The following ROBO1 variants were observed in gnomAD, a reference collection of about 807,000 sequenced individuals.
ROBO1 encodes roundabout homolog 1.
A neutral mutation model predicts 195.9 loss-of-function variants in ROBO1; 149 were observed. The observed-to-expected ratio is 0.76, with a 90% CI of 0.67 to 0.87. The LOEUF (loss-of-function observed/expected upper bound fraction) is 0.87. ROBO1 is among the 40% of genes least tolerant of loss of function. The pLI is 0.00. For synonymous variants in ROBO1, 816 were observed against 733.2 expected (o/e 1.11, Z -1.82); for missense variants, 1,933 against 2,068.3 (o/e 0.93, Z 1.27).
chr3:79,335,075 C>G (rs2034609851), intron 2 of ROBO1, among the ~76,000 whole-genome samples: 1 of 152,074 alleles, frequency 6.6e-6, no homozygotes, highest in Non-Finnish European at 1.5e-5. Flanking sequence ...CAAGATCATG[C>G]CACTGAACTC....
chr3:78,978,555 T>C (rs997947001), intron 3 of ROBO1, among the ~76,000 whole-genome samples: 1 of 152,074 alleles, frequency 6.6e-6, no homozygotes, highest in Non-Finnish European at 1.5e-5. Flanking sequence ...TATCCTCATC[T>C]TGAAGGTAGA....
At chr3:79,011,838 A>C (rs970518814) in intron 3 of ROBO1, among the ~76,000 whole-genome samples, 1 of 152,020 alleles carries the variant, frequency 6.6e-6, no homozygotes, top group Non-Finnish European at 1.5e-5. Flanking sequence ...ATATACCTGA[A>C]ATGGCTTTTC....
chr3:78,799,868 C>T (rs576182671), intron 4 of ROBO1, among the ~76,000 whole-genome samples: 5 of 152,226 alleles, frequency 3.3e-5, no homozygotes, highest in East Asian at 1.9e-4. Context: ...AGTCACTTAT[C>T]CAGACTCAGT....
intron 1 of ROBO1, among the ~76,000 whole-genome samples, chr3:79,624,569 C>T (rs1945109213): frequency 6.6e-6 from 1 of 151,980 alleles, no homozygotes; most frequent in Non-Finnish European, 1.5e-5. Flanking sequence ...ACAAAACAGA[C>T]TTTAAACCAA....
At chr3:79,637,745 G>A (rs1240431851) in intron 1 of ROBO1, among the ~76,000 whole-genome samples, 1 of 152,056 alleles carries the variant, frequency 6.6e-6, no homozygotes, top group Non-Finnish European at 1.5e-5. Flanking sequence ...TTTACAGCAT[G>A]ACTTTAGAAA....
At chr3:78,599,207 A>G (rs1703023897) in intron 30 of ROBO1, among the ~76,000 whole-genome samples, 1 of 152,038 alleles carries the variant, frequency 6.6e-6, no homozygotes, top group Non-Finnish European at 1.5e-5. Flanking sequence ...GAGTTATCTA[A>G]TCCCCTCAGC....
intron 4 of ROBO1, among the ~76,000 whole-genome samples, chr3:78,761,893 C>T (rs2083114330): frequency 1.3e-5 from 2 of 152,194 alleles, no homozygotes; most frequent in East Asian, 3.9e-4. Context: ...AGCTTCCTAT[C>T]AGCCAAATAA....
At chr3:78,951,579 ACTCT>A (rs1450104757) in intron 3 of ROBO1, among the ~76,000 whole-genome samples, 1 of 152,058 alleles carries the variant, frequency 6.6e-6, no homozygotes, top group Non-Finnish European at 1.5e-5. Context: ...CTAGGATGAT[ACTCT>A]CTCTGACACT....
At position 79,158,980 on chromosome 3, in the gene ROBO1, A is replaced by G. The variant is rs992824187; in HGVS notation, c.89-33441T>C. Among the ~76,000 whole-genome samples, 3 of 151,996 alleles carry G rather than the reference A, an allele frequency of 2.0e-5. No individual in the cohort carries two copies. The East Asian group carries it at 5.8e-4, about 29-fold the overall frequency. On this transcript the variant is annotated intron_variant, in intron 2 of 30. Coordinates refer to ENST00000464233, the MANE Select transcript of ROBO1 (RefSeq NM_002941.4). ...TGCCATTCACTTCTTTGGAAAGAAGATAAGATATTAATGCATGACTAAAGT... is the reference window on the plus strand; with the variant it reads ...TGCCATTCACTTCTTTGGAAAGAAGGTAAGATATTAATGCATGACTAAAGT...
chr3:79,076,389 G>A (rs903299516), intron 3 of ROBO1, among the ~76,000 whole-genome samples: 1 of 150,414 alleles, frequency 6.6e-6, no homozygotes. Flanking sequence ...CAGAAAAAAA[G>A]AGACTTAAAT....
chr3:79,464,909 T>A (rs1409152129), intron 2 of ROBO1, among the ~76,000 whole-genome samples: 1 of 152,162 alleles, frequency 6.6e-6, no homozygotes, highest in African/African-American at 2.4e-5. Flanking sequence ...CTGGCTTTAA[T>A]CACATAGCAA....
At chr3:79,013,420 G>C (rs1197851330) in intron 3 of ROBO1, among the ~76,000 whole-genome samples, 1 of 152,178 alleles carries the variant, frequency 6.6e-6, no homozygotes, top group African/African-American at 2.4e-5. Flanking sequence ...ATGATGTAAA[G>C]AACTGACTGT....
At chr3:79,311,159 C>T (rs1007298610) in intron 2 of ROBO1, among the ~76,000 whole-genome samples, 1 of 152,082 alleles carries the variant, frequency 6.6e-6, no homozygotes, top group African/African-American at 2.4e-5. Flanking sequence ...GTTAATGGAA[C>T]TTCTTATTTA....
chr3:79,279,372 C>A (rs777146323), intron 2 of ROBO1, among the ~76,000 whole-genome samples: 1 of 152,042 alleles, frequency 6.6e-6, no homozygotes, highest in Non-Finnish European at 1.5e-5. Context: ...AAATGGCCAA[C>A]CAATGATTAA....
chr3:78,713,447 T>C (rs865967619), intron 8 of ROBO1, among the ~76,000 whole-genome samples: 2 of 152,124 alleles, frequency 1.3e-5, no homozygotes, highest in Non-Finnish European at 2.9e-5. Context: ...AAATGGTTTA[T>C]GGCCAGAACT....
At chr3:78,946,760 G>A (rs1235748395) in intron 3 of ROBO1, among the ~76,000 whole-genome samples, 1 of 152,186 alleles carries the variant, frequency 6.6e-6, no homozygotes, top group Non-Finnish European at 1.5e-5. Flanking sequence ...CCATCAGTGT[G>A]CTGTATTCAG....
intron 2 of ROBO1, among the ~76,000 whole-genome samples, chr3:79,479,691 A>T (rs1484806092): frequency 2.0e-5 from 3 of 152,214 alleles, no homozygotes; most frequent in Admixed American, 1.3e-4. Context: ...TTTTTAATGG[A>T]CCTGCAAATA....
At chr3:78,703,012 TTTGA>T (rs1380413729) in intron 8 of ROBO1, among the ~76,000 whole-genome samples, 3 of 152,276 alleles carry the variant, frequency 2.0e-5, no homozygotes, top group Non-Finnish European at 2.9e-5. Context: ...ATGCCTTTCT[TTTGA>T]TTAATTTTTA....
At chr3:79,545,596 A>G (rs998462025) in intron 2 of ROBO1, among the ~76,000 whole-genome samples, 1 of 152,246 alleles carries the variant, frequency 6.6e-6, no homozygotes, top group Admixed American at 6.5e-5. Flanking sequence ...GCTTTGCAGT[A>G]TTAAATATGT....
Sources: gnomAD v4.1 joint callset for allele counts (sites outside exome capture counted in the v4.1 genomes callset) on GRCh38, gnomAD v4.1.1 for gene constraint, MANE v1.5 for transcripts, NCBI Gene and HGNC (gene_info 2026-07-23, HGNC 2026-07-21) for gene names.